The following SGCZ variants were observed in gnomAD, a reference collection of about 807,000 sequenced individuals.
SGCZ encodes sarcoglycan zeta, also known as zeta-sarcoglycan.
Under a neutral mutation model 41.3 loss-of-function variants are expected in SGCZ, and 40 were observed. That is an observed-to-expected ratio of 0.97 (90% CI 0.75 to 1.26). The LOEUF (loss-of-function observed/expected upper bound fraction) is 1.26, where lower values mean the gene tolerates loss of function less well. SGCZ is among the 50% of genes most tolerant of loss of function. SGCZ has a pLI of 0.00. For synonymous variants in SGCZ, 206 were observed against 137.5 expected, an observed-to-expected ratio of 1.50 and a Z score of -3.49; for missense variants, 552 against 369.8, an observed-to-expected ratio of 1.49 and a Z score of -4.04.
At chr8:14,624,866 G>A (rs534595175) in intron 1 of SGCZ, among the ~76,000 whole-genome samples, 11 of 151,662 alleles carry the variant, frequency 7.3e-5, no homozygotes, top group Admixed American at 3.9e-4. Context: ...CCACCACACC[G>A]GGCTATCACT....
intron 1 of SGCZ, among the ~76,000 whole-genome samples, chr8:14,859,366 T>A (rs1031777479): frequency 6.6e-6 from 1 of 152,028 alleles, no homozygotes; most frequent in African/African-American, 2.4e-5. Context: ...TAATCTACCA[T>A]AACTTTTGTA....
At chr8:14,104,429 T>TA (rs34950929) in intron 6 of SGCZ, among the ~76,000 whole-genome samples, 63 of 150,844 alleles carry the variant, frequency 4.2e-4, no homozygotes, top group African/African-American at 9.7e-4. Flanking sequence ...ACTATCAAAT[T>TA]AAAAAAAAAA....
chr8:14,129,357 A>AAG (rs1802965268), intron 5 of SGCZ, among the ~76,000 whole-genome samples: 1 of 139,416 alleles, frequency 7.2e-6, no homozygotes, highest in African/African-American at 3.2e-5. Context: ...AAAAAAAAAA[A>AAG]AAAAAAAAAA....
At chr8:14,895,073 T>G (rs1805144334) in intron 1 of SGCZ, among the ~76,000 whole-genome samples, 1 of 152,204 alleles carries the variant, frequency 6.6e-6, no homozygotes, top group Non-Finnish European at 1.5e-5. Flanking sequence ...TGATCTATAA[T>G]TTTGGTTTCA....
intron 5 of SGCZ, among the ~76,000 whole-genome samples, chr8:14,134,988 T>C (rs1803153816): frequency 6.6e-6 from 1 of 152,336 alleles, no homozygotes. Context: ...ATACTGTCTA[T>C]AGATACCTTC....
At chr8:14,606,318 T>C (rs1364446323) in intron 1 of SGCZ, among the ~76,000 whole-genome samples, 1 of 147,520 alleles carries the variant, frequency 6.8e-6, no homozygotes, top group Non-Finnish European at 1.5e-5. Context: ...GTTACACTCC[T>C]TATTTGGTTC....
rs1343839772 is a variant in SGCZ, at chr8:14,763,033, G to A, written c.40-208107C>T. Among the ~76,000 whole-genome samples, 5 of 152,196 alleles carry A rather than the reference G, an allele frequency of 3.3e-5. No individual in the cohort carries two copies. The East Asian group carries it at 5.8e-4, about 18-fold the overall frequency. On this transcript the variant is annotated intron_variant, in intron 1 of 7. Transcript: ENST00000382080. ...GTAGCTTAGTACATAAATATCATAC[G>A]TCCAACACAATAAGAATTAAAAATA...
intron 1 of SGCZ, among the ~76,000 whole-genome samples, chr8:14,651,381 C>T (rs1306543292): frequency 2.6e-5 from 4 of 151,990 alleles, no homozygotes; most frequent in African/African-American, 9.7e-5. Context: ...TGAATATGAA[C>T]ATGTCTGAAA....
chr8:14,820,095 T>C (rs537419696), intron 1 of SGCZ, among the ~76,000 whole-genome samples: 6 of 150,714 alleles, frequency 4.0e-5, no homozygotes, highest in African/African-American at 7.4e-5. Flanking sequence ...GGAGAAAAAA[T>C]GGAGAAAAAA....
chr8:14,829,750 G>GTT (rs138768888), intron 1 of SGCZ, among the ~76,000 whole-genome samples: 19,843 of 151,676 alleles, frequency 0.13, 2,320 homozygotes, highest in African/African-American at 0.31. Context: ...ATTATTTAAG[G>GTT]GTTTTTTTAA....
intron 6 of SGCZ, among the ~76,000 whole-genome samples, chr8:14,107,089 G>A (rs1802227407): frequency 1.3e-5 from 2 of 151,970 alleles, no homozygotes; most frequent in Non-Finnish European, 2.9e-5. Context: ...AATGGCGGGC[G>A]CCTGTAGTCC....
chr8:15,153,543 G>C (rs1046222081), intron 1 of SGCZ, among the ~76,000 whole-genome samples: 1 of 152,088 alleles, frequency 6.6e-6, no homozygotes, highest in African/African-American at 2.4e-5. Context: ...GGTGGGGCCG[G>C]GTAGAAGGTA....
At chr8:14,635,243 T>C (rs1806790654) in intron 1 of SGCZ, among the ~76,000 whole-genome samples, 1 of 151,872 alleles carries the variant, frequency 6.6e-6, no homozygotes, top group African/African-American at 2.4e-5. Flanking sequence ...AAAAAATGTA[T>C]CTCCATTTCC....
At chr8:14,519,016 C>A (rs1340877293) in intron 2 of SGCZ, among the ~76,000 whole-genome samples, 1 of 149,212 alleles carries the variant, frequency 6.7e-6, no homozygotes, top group African/African-American at 2.5e-5. Context: ...TTGCAGTGAG[C>A]CAAGATCGCA....
intron 1 of SGCZ, among the ~76,000 whole-genome samples, chr8:14,991,356 C>T (rs1416702620): frequency 1.3e-5 from 2 of 152,124 alleles, no homozygotes; most frequent in African/African-American, 2.4e-5. Flanking sequence ...AAGTGTTAGG[C>T]TCACTTCTGA....
At chr8:15,104,812 A>G (rs73665384) in intron 1 of SGCZ, among the ~76,000 whole-genome samples, 1,753 of 152,286 alleles carry the variant, frequency 0.012, 32 homozygotes, top group African/African-American at 0.039. Flanking sequence ...TTTAACTGTT[A>G]CCCATTTACA....
At chr8:14,467,000 G>A (rs1283227191) in intron 2 of SGCZ, among the ~76,000 whole-genome samples, 1 of 151,490 alleles carries the variant, frequency 6.6e-6, no homozygotes, top group African/African-American at 2.4e-5. Flanking sequence ...ATATATTTCT[G>A]TTTTTCTGCA....
rs150699458 is a variant in SGCZ, at chr8:14,139,456, A to G, written c.547+25124T>C. On this transcript the variant is annotated intron_variant, in intron 5 of 7. Transcript: ENST00000382080. ...TAGGTAGACTGCTAGCAAGACTAAT[A>G]AAGAAGAAAAGAAGAATCACATAGA... 5.8e-3 allele frequency among the ~76,000 whole-genome samples: 886 copies of G among 152,320 alleles called. 6 individuals are homozygous for G. The highest frequency in any genetic ancestry group is 0.02 in the African/African-American group (842 of 41,566).
intron 3 of SGCZ, among the ~76,000 whole-genome samples, chr8:14,249,613 T>C (rs970719625): frequency 3.9e-5 from 6 of 152,206 alleles, no homozygotes; most frequent in Non-Finnish European, 1.5e-5. Context: ...GGTTATACCT[T>C]AGCTATATCT....
Sources: gnomAD v4.1 joint callset for allele counts (sites outside exome capture counted in the v4.1 genomes callset) on GRCh38, gnomAD v4.1.1 for gene constraint, MANE v1.5 for transcripts, NCBI Gene and HGNC (gene_info 2026-07-23, HGNC 2026-07-21) for gene names.